EPHA1: variants seen among roughly 807,000 people sequenced by gnomAD.
The protein encoded by EPHA1 is EPH receptor A1.
A neutral mutation model predicts 110.1 loss-of-function variants in EPHA1; 92 were observed. The observed-to-expected ratio is 0.84, with a 90% CI of 0.71 to 0.99. The LOEUF (loss-of-function observed/expected upper bound fraction) is 0.99. EPHA1 is among the 50% of genes least tolerant of loss of function. EPHA1 has a pLI of 0.00. For synonymous variants in EPHA1, 500 were observed against 516.1 expected (o/e 0.97, Z 0.42); for missense variants, 1,204 against 1,285.4 (o/e 0.94, Z 0.97).
chr7:143,397,449 G>A (rs1426877496), intron 9 of EPHA1, 87 bp from the exon 10 acceptor site: 1 of 1,582,972 alleles, frequency 6.3e-7, no homozygotes, highest in Non-Finnish European at 8.6e-7. Context: ...CCCAGAAACG[G>A]GCTGGGAGTG....
intron 7 of EPHA1, 106 bp from the exon 8 acceptor site, chr7:143,398,176 G>A: frequency 6.3e-7 from 1 of 1,577,772 alleles, no homozygotes; most frequent in Non-Finnish European, 8.6e-7. Context: ...AGAATGGTTA[G>A]GACAGGGTTC....
rs1804524 is a variant in EPHA1 at position 143,391,377 on chromosome 7, G to A, written c.*80C>T. 6.5e-7 allele frequency: 1 copy of A among 1,533,480 alleles called. No homozygotes were observed. Among genetic ancestry groups the A allele is most frequent in the Non-Finnish European group, 8.9e-7 (1 of 1,123,516 alleles). The allele number at this position is 1,533,480 out of a possible 1,614,324, so 95.0% of individuals were successfully genotyped here. ...CCTAGTCTGGCAGGTTGTGGGAAGGGGCGCAGGGAGTGACCATGAGCGACC... is the reference window on the plus strand; with the variant it reads ...CCTAGTCTGGCAGGTTGTGGGAAGGAGCGCAGGGAGTGACCATGAGCGACC... On this transcript the variant is annotated 3_prime_UTR_variant, in exon 18 of 18. Transcript: ENST00000275815.
In EPHA1 at chr7:143,395,585, C is replaced by T. The variant is rs538731667; in HGVS notation, c.1898-81G>A. The T allele has an allele frequency of 3.2e-5, 45 of 1,427,504 alleles. No individual in the cohort carries two copies. The South Asian group carries it at 4.2e-4, about 13-fold the overall frequency. 88.4% of individuals were successfully genotyped at this position (1,427,504 alleles called of 1,614,324 possible). On this transcript the variant is annotated intron_variant, in intron 11 of 17. Transcript: ENST00000275815. The surrounding 1 kb of genome is among the most constrained non-coding windows in gnomAD (Gnocchi z 4.7). ...ACAGGCAGCAACCCCTCCAGTCCTCCGGCCCTTTTCTTTTCTGGAGAATCA... is the reference window on the plus strand; with the variant it reads ...ACAGGCAGCAACCCCTCCAGTCCTCTGGCCCTTTTCTTTTCTGGAGAATCA...
chr7:143,398,675 G>T lies in EPHA1; in HGVS notation c.1262C>A (p.Ala421Asp), dbSNP rs766865327. ...PYANYTFNVE[A>D]QNGVSGLGSS... Reference sequence around the variant, plus strand: ...GCCCAGCCCTGACACTCCATTTTGGGCTTCCACATTAAAGGTGTAGTTGGC... The same window carrying T: ...GCCCAGCCCTGACACTCCATTTTGGTCTTCCACATTAAAGGTGTAGTTGGC... Residue 421 changes from alanine (A) to aspartate (D), a missense_variant, in exon 6 of 18, where the codon GCC becomes GAC. By Grantham distance (126) the Ala-to-Asp change is moderately radical. Transcript: ENST00000275815. The T allele has an allele frequency of 6.2e-6, 10 of 1,613,994 alleles. No individual in the cohort carries two copies. Among genetic ancestry groups the T allele is most frequent in the African/African-American group, 2.7e-5 (2 of 74,916 alleles).
Position 143,393,935 on chromosome 7 carries a change from A to G in EPHA1, c.2503-71T>C, listed in dbSNP as rs1045354145. On this transcript the variant is annotated intron_variant, in intron 15 of 17. Transcript: ENST00000275815. The surrounding 1 kb of genome is among the most constrained non-coding windows in gnomAD (Gnocchi z 5.6). ...GGAGGCCCATGAGAAACCGACGGTC[A>G]CACAAGATAATTGCAGTGGAGATCC... The G allele has an allele frequency of 5.5e-5, 81 of 1,479,448 alleles. No individual in the cohort carries two copies. The highest frequency in any genetic ancestry group is 2.5e-5 in the Non-Finnish European group (28 of 1,104,860). The allele number at this position is 1,479,448 out of a possible 1,614,324, so 91.6% of individuals were successfully genotyped here.
chr7:143,402,943 A>G (rs1380638538), intron 2 of EPHA1, among the ~76,000 whole-genome samples: 1 of 152,206 alleles, frequency 6.6e-6, no homozygotes, highest in Non-Finnish European at 1.5e-5. Flanking sequence ...ACTCTCAGCA[A>G]TTGTTAGCAA....
chr7:143,396,545 A>C, intron 10 of EPHA1, 35 bp from the exon 11 acceptor site: 3 of 1,610,204 alleles, frequency 1.9e-6, no homozygotes, highest in Non-Finnish European at 2.5e-6. Flanking sequence ...GAGTACCAAC[A>C]TCAGGGCTCA....
chr7:143,394,628 G>A (rs578125640), intron 14 of EPHA1, among the ~76,000 whole-genome samples, 180 bp downstream of exon 14: 2 of 152,016 alleles, frequency 1.3e-5, no homozygotes, highest in African/African-American at 4.8e-5. Flanking sequence ...CACCATGTTC[G>A]CCAGGCTGGT....
At position 143,408,734 on chromosome 7, in the gene EPHA1, G is replaced by T; in HGVS notation, c.72C>A (p.Arg24=). 1.1e-5 allele frequency: 10 copies of T among 933,608 alleles called. No homozygotes were observed. Among genetic ancestry groups the T allele is most frequent in the Non-Finnish European group, 1.1e-5 (8 of 718,924 alleles). 57.8% of individuals were successfully genotyped at this position (933,608 alleles called of 1,614,324 possible). The change falls in exon 1 of 18, where the codon CGC becomes CGA. Residue 24 remains arginine (R), a synonymous_variant. Coordinates refer to ENST00000275815, the MANE Select transcript of EPHA1 (RefSeq NM_005232.5). ...LLCAPLPPGA[R]AKEVTLMDTS... The stretch of plus-strand genomic sequence containing the variant: ...GGCGGGGGTCGGTACCTTCCTTGGC[G>T]CGCGCCCCCGGGGGCAGCGGGGCGC...
rs141196081 is a variant in EPHA1, at chr7:143,391,705, C to T, written c.2767G>A (p.Glu923Lys). 9.9e-5 allele frequency: 159 copies of T among 1,612,744 alleles called. No individual in the cohort carries two copies. The highest frequency in any genetic ancestry group is 6.7e-5 in the Non-Finnish European group (79 of 1,179,802). Residue 923 changes from glutamate to lysine, a missense_variant, in exon 17 of 18, where the codon GAG becomes AAG. Coordinates refer to ENST00000275815, the MANE Select transcript of EPHA1 (RefSeq NM_005232.5). Reference protein sequence around the residue: ...IPYRTVSEWLESIRMKRYILH... With the variant: ...IPYRTVSEWLKSIRMKRYILH... ...ATGTAGCGTTTCATGCGTATGGACT[C>T]GAGCCACTCAGAGACGGTTCGATAT...
At chr7:143,397,708 T>A in intron 8 of EPHA1, 51 bp from the exon 9 acceptor site, 1 of 1,605,624 alleles carries the variant, frequency 6.2e-7, no homozygotes, top group Non-Finnish European at 8.5e-7. Flanking sequence ...TCCGTAGGAA[T>A]GAGGGGGGTT....
Position 143,399,712 on chromosome 7 carries a change from A to C in EPHA1, c.774T>G (p.Pro258=), listed in dbSNP as rs1805363492. ...HCSPDGEWLV[P]VGRCHCEPGY... ...CAGGCTCACAGTGGCACCGTCCTACAGGCACCAGCCACTCGCCATCAGGGC... is the reference window on the plus strand; with the variant it reads ...CAGGCTCACAGTGGCACCGTCCTACCGGCACCAGCCACTCGCCATCAGGGC... The change falls in exon 4 of 18, where the codon CCT becomes CCG. Residue 258 remains proline, a synonymous_variant. Transcript: ENST00000275815. 6.2e-7 allele frequency: 1 copy of C among 1,613,728 alleles called. No homozygotes were observed. The highest frequency in any genetic ancestry group is 2.2e-5 in the East Asian group (1 of 44,888).
intron 2 of EPHA1, among the ~76,000 whole-genome samples, chr7:143,406,138 G>A (rs192907483): frequency 1.3e-5 from 2 of 152,308 alleles, no homozygotes; most frequent in East Asian, 1.9e-4. Context: ...GCTGACTGCC[G>A]GGGATGGGAA....
chr7:143,404,501 G>A (rs890733071), intron 2 of EPHA1, among the ~76,000 whole-genome samples: 3 of 152,130 alleles, frequency 2.0e-5, no homozygotes, highest in Admixed American at 1.3e-4. Flanking sequence ...ACAGGTGTGA[G>A]CCACCGCGCG....
intron 10 of EPHA1, among the ~76,000 whole-genome samples, chr7:143,397,044 G>A (rs991768919): frequency 1.3e-5 from 2 of 152,174 alleles, no homozygotes; most frequent in East Asian, 1.9e-4. Context: ...ACAAGACAGC[G>A]GCACCAGCAG....
rs1356000541 is a variant in EPHA1 at position 143,395,494 on chromosome 7, C to A, written c.1908G>T (p.Gly636=). ...VDTVIGEGEF[G]EVYRGTLRLP... The stretch of plus-strand genomic sequence containing the variant: ...GCCTCAGGGTCCCTCGATACACTTC[C>A]CCAAACTCTCCTGGGTAGAAAGAAA... The change falls in exon 12 of 18, where the codon GGG becomes GGT. Residue 636 remains glycine, a synonymous_variant. Coordinates refer to ENST00000275815, the MANE Select transcript of EPHA1 (RefSeq NM_005232.5). The surrounding 1 kb of genome is among the most constrained non-coding windows in gnomAD (Gnocchi z 4.7). 5.6e-6 allele frequency: 9 copies of A among 1,613,980 alleles called. No individual in the cohort carries two copies. The Admixed American group carries it at 1.3e-4, about 24-fold the overall frequency.
intron 8 of EPHA1, 45 bp from the exon 9 acceptor site, chr7:143,397,702 T>G (rs763454805): frequency 1.1e-5 from 18 of 1,607,542 alleles, no homozygotes; most frequent in Non-Finnish European, 1.4e-5. Context: ...TCACAGTCCG[T>G]AGGAATGAGG....
At chr7:143,399,110 C>T (rs1805344306) in intron 5 of EPHA1, 148 bp downstream of exon 5, 1 of 1,216,018 alleles carries the variant, frequency 8.2e-7, no homozygotes, top group Non-Finnish European at 1.2e-6. Context: ...CTAGGGAGAG[C>T]AGGGTGCCAG....
At chr7:143,392,955 A>C (rs2116610973) in intron 16 of EPHA1, among the ~76,000 whole-genome samples, 1 of 152,142 alleles carries the variant, frequency 6.6e-6, no homozygotes, top group African/African-American at 2.4e-5. Context: ...GTGGAAAAAA[A>C]AACAACAACT....
Sources: gnomAD v4.1 joint callset for allele counts (sites outside exome capture counted in the v4.1 genomes callset) on GRCh38, gnomAD v4.1.1 for gene constraint, Gnocchi (gnomAD v3.1) non-coding constraint, MANE v1.5 for transcripts, NCBI Gene and HGNC (gene_info 2026-07-23, HGNC 2026-07-21) for gene names.